PCDHGA12: variants seen among roughly 807,000 people sequenced by gnomAD.
The protein encoded by PCDHGA12 is protocadherin gamma-A12.
A neutral mutation model predicts 61.1 loss-of-function variants in PCDHGA12; 43 were observed. That is an observed-to-expected ratio of 0.70 (90% CI 0.55 to 0.91). PCDHGA12 has a LOEUF of 0.91. Ranked by LOEUF, PCDHGA12 falls within the 40% of genes least tolerant of loss-of-function variation. The probability of loss-of-function intolerance (pLI) is 0.00; values close to 1 mark genes in which losing one functional copy is unlikely to be tolerated. For synonymous variants in PCDHGA12, 520 were observed against 542.9 expected (o/e 0.96, Z 0.59); for missense variants, 1,236 against 1,227.7 (o/e 1.01, Z -0.10).
intron 1 of PCDHGA12, among the ~76,000 whole-genome samples, chr5:141,438,587 CATACATAT>C (rs1166583123): frequency 1.2e-4 from 9 of 73,430 alleles, no homozygotes; most frequent in Non-Finnish European, 1.6e-4. Flanking sequence ...TACATACATA[CATACATAT>C]ATATATATAT....
At position 141,486,714 on chromosome 5, in the gene PCDHGA12, CAG is replaced by C; in HGVS notation, c.2425-8092_2425-8091del. ...TCTTTCATCTCTCTGAACCCCCAGA[CAG>C]GAGCTGTTCATGCTACTCGATCCTT... On this transcript the variant is annotated intron_variant, in intron 1 of 3. Coordinates refer to ENST00000252085, the MANE Select transcript of PCDHGA12 (RefSeq NM_003735.3). This position sits in a 1 kb window ranked among gnomAD's most constrained non-coding sequence, Gnocchi z 5.0. 1 of 1,614,216 alleles carries C rather than the reference CAG, an allele frequency of 6.2e-7. No homozygotes were observed. Among genetic ancestry groups the C allele is most frequent in the Non-Finnish European group, 8.5e-7 (1 of 1,180,034 alleles).
chr5:141,433,222 A>G, intron 1 of PCDHGA12, 39 bp downstream of exon 1: 6 of 1,519,556 alleles, frequency 3.9e-6, no homozygotes, highest in Non-Finnish European at 5.4e-6. Flanking sequence ...TTTTTTTTTA[A>G]TTGCTCTGTC....
chr5:141,443,226 A>T (rs2098374954), intron 1 of PCDHGA12, among the ~76,000 whole-genome samples: 1 of 152,042 alleles, frequency 6.6e-6, no homozygotes, highest in Non-Finnish European at 1.5e-5. Flanking sequence ...CGCATCTATA[A>T]TCTTAGCACT....
intron 1 of PCDHGA12, among the ~76,000 whole-genome samples, chr5:141,443,728 C>A (rs1434984241): frequency 1.3e-5 from 2 of 152,060 alleles, no homozygotes; most frequent in African/African-American, 2.4e-5. Flanking sequence ...ATTCCTCATA[C>A]ATTTCCCTAT....
intron 1 of PCDHGA12, among the ~76,000 whole-genome samples, chr5:141,449,310 A>G (rs1006876700): frequency 4.6e-5 from 7 of 152,112 alleles, no homozygotes; most frequent in Non-Finnish European, 7.4e-5. Context: ...TATGTATTAT[A>G]TAATTGTATC....
Position 141,477,128 on chromosome 5 carries a change from G to C in PCDHGA12, c.2425-17679G>C. On this transcript the variant is annotated intron_variant, in intron 1 of 3. Transcript: ENST00000252085. The surrounding 1 kb of genome is among the most constrained non-coding windows in gnomAD (Gnocchi z 4.9). ...CAATCCCGAAGGAGCACATTGCAAA[G>C]TGTTGGTGGAGGTTGTGGATGTGAA... 1.9e-6 allele frequency: 3 copies of C among 1,614,250 alleles called. No homozygotes were observed. The highest frequency in any genetic ancestry group is 2.5e-6 in the Non-Finnish European group (3 of 1,180,046).
intron 1 of PCDHGA12, among the ~76,000 whole-genome samples, chr5:141,435,462 T>G (rs1206913100): frequency 6.6e-6 from 1 of 152,230 alleles, no homozygotes; most frequent in Non-Finnish European, 1.5e-5. Flanking sequence ...TGTATGTGTT[T>G]CCAAGTTAGA....
At chr5:141,452,839 C>A (rs939513310) in intron 1 of PCDHGA12, among the ~76,000 whole-genome samples, 2 of 152,092 alleles carry the variant, frequency 1.3e-5, no homozygotes, top group Non-Finnish European at 2.9e-5. Flanking sequence ...TTGGTCCAGC[C>A]CACACTCTGG....
At position 141,511,355 on chromosome 5, in the gene PCDHGA12, G is replaced by A; in HGVS notation, c.*182G>A. On this transcript the variant is annotated 3_prime_UTR_variant, in exon 4 of 4. Coordinates refer to ENST00000252085, the MANE Select transcript of PCDHGA12 (RefSeq NM_003735.3). ...TCAGCACCTACCCCTTCCCCCCCAG[G>A]GGGTTGAATATGCAAAAGCAGTTCC... 4 of 1,379,256 alleles carry A rather than the reference G, an allele frequency of 2.9e-6. No individual in the cohort carries two copies. The highest frequency in any genetic ancestry group is 3.9e-6 in the Non-Finnish European group (4 of 1,035,886). 85.4% of individuals were successfully genotyped at this position (1,379,256 alleles called of 1,614,324 possible).
Position 141,431,858 on chromosome 5 carries a change from G to A in PCDHGA12, c.1099G>A (p.Ala367Thr), listed in dbSNP as rs1421209596. The A allele has an allele frequency of 1.1e-5, 17 of 1,614,198 alleles. No individual in the cohort carries two copies. Among genetic ancestry groups the A allele is most frequent in the Non-Finnish European group, 1.4e-5 (17 of 1,180,020 alleles). The change falls in exon 1 of 4, where the codon GCC becomes ACC. Residue 367 changes from alanine to threonine, a missense_variant. Coordinates refer to ENST00000252085, the MANE Select transcript of PCDHGA12 (RefSeq NM_003735.3). The surrounding 1 kb of genome is among the most constrained non-coding windows in gnomAD (Gnocchi z 4.8). ...PENSPRGTLI[A>T]LLNVNDQDSE... ...AAACTCTCCCAGAGGGACATTAATTGCCCTTTTAAATGTAAATGACCAAGA... is the reference window on the plus strand; with the variant it reads ...AAACTCTCCCAGAGGGACATTAATTACCCTTTTAAATGTAAATGACCAAGA...
At position 141,485,275 on chromosome 5, in the gene PCDHGA12, G is replaced by A. The variant is rs77402299; in HGVS notation, c.2425-9532G>A. The A allele has an allele frequency of 8.7e-6, 14 of 1,613,954 alleles. No homozygotes were observed. In the African/African-American group the frequency reaches 1.1e-4, roughly 12 times the overall value. ...ACGTTTGTGGGCAGATCCGCTACCC[G>A]GTCCCAGAGGAGTCACAGGAAGGGA... On this transcript the variant is annotated intron_variant, in intron 1 of 3. Transcript: ENST00000252085. The surrounding 1 kb of genome is among the most constrained non-coding windows in gnomAD (Gnocchi z 5.7).
chr5:141,449,562 C>T (rs1374591292), intron 1 of PCDHGA12, among the ~76,000 whole-genome samples: 1 of 143,862 alleles, frequency 7.0e-6, no homozygotes, highest in East Asian at 2.0e-4. Context: ...GCACTCCAGC[C>T]TGGGCGACAG....
chr5:141,505,468 G>A lies in PCDHGA12; in HGVS notation c.2559G>A (p.Leu853=). 1 of 1,614,212 alleles carries A rather than the reference G, an allele frequency of 6.2e-7. No homozygotes were observed. Among genetic ancestry groups the A allele is most frequent in the Non-Finnish European group, 8.5e-7 (1 of 1,180,020 alleles). The change falls in exon 3 of 4, where the codon TTG becomes TTA. Residue 853 remains leucine (L), a synonymous_variant. Coordinates refer to ENST00000252085, the MANE Select transcript of PCDHGA12 (RefSeq NM_003735.3). The stretch of plus-strand genomic sequence containing the variant: ...CAGAGATGCTGCAAGCCATGATCTT[G>A]GCGTCCGCCAGTGGTAAGTGGTGTC... The part of the protein sequence containing the change: ...FDTEMLQAMI[L]ASASEAADGS...
intron 1 of PCDHGA12, among the ~76,000 whole-genome samples, chr5:141,481,730 G>C (rs778885944): frequency 6.6e-5 from 10 of 151,952 alleles, no homozygotes; most frequent in Non-Finnish European, 1.3e-4. Flanking sequence ...GAGGCGGGCG[G>C]ATCACGAGGT....
At chr5:141,502,782 T>C (rs1200280465) in intron 2 of PCDHGA12, among the ~76,000 whole-genome samples, 1 of 152,132 alleles carries the variant, frequency 6.6e-6, no homozygotes, top group African/African-American at 2.4e-5. Context: ...GAAAATTACC[T>C]GGATGATTTC....
chr5:141,493,440 G>A lies in PCDHGA12; in HGVS notation c.2425-1367G>A, dbSNP rs2099748297. The stretch of plus-strand genomic sequence containing the variant: ...TTTTGCTTCTGCTGGGATGGGGCAA[G>A]GGTGGGGTTCCTTCCCTTTTAGGAC... On this transcript the variant is annotated intron_variant, in intron 1 of 3. Coordinates refer to ENST00000252085, the MANE Select transcript of PCDHGA12 (RefSeq NM_003735.3). The surrounding 1 kb of genome is among the most constrained non-coding windows in gnomAD (Gnocchi z 4.3). Among the ~76,000 whole-genome samples, 1 of 152,208 alleles carries A rather than the reference G, an allele frequency of 6.6e-6. No homozygotes were observed. Among genetic ancestry groups the A allele is most frequent in the African/African-American group, 2.4e-5 (1 of 41,450 alleles).
At chr5:141,507,349 A>G (rs537480798) in intron 3 of PCDHGA12, 1 of 152,236 alleles carries the variant, frequency 6.6e-6, no homozygotes, top group African/African-American at 2.4e-5. Flanking sequence ...CTGAAATTCA[A>G]ATTTAACTGG....
rs1303365585 is a variant in PCDHGA12 at position 141,511,350 on chromosome 5, C to A, written c.*177C>A. 2.1e-5 allele frequency: 30 copies of A among 1,397,076 alleles called. No individual in the cohort carries two copies. Among genetic ancestry groups the A allele is most frequent in the African/African-American group, 1.7e-4 (12 of 68,780 alleles). The allele number at this position is 1,397,076 out of a possible 1,614,324, so 86.5% of individuals were successfully genotyped here. Reference sequence around the variant, plus strand: ...CCCAGTCAGCACCTACCCCTTCCCCCCCAGGGGGTTGAATATGCAAAAGCA... The same window carrying A: ...CCCAGTCAGCACCTACCCCTTCCCCACCAGGGGGTTGAATATGCAAAAGCA... On this transcript the variant is annotated 3_prime_UTR_variant, in exon 4 of 4. Transcript: ENST00000252085.
Position 141,432,617 on chromosome 5 carries a change from G to A in PCDHGA12, c.1858G>A (p.Gly620Ser). The A allele has an allele frequency of 6.2e-7, 1 of 1,613,694 alleles. No individual in the cohort carries two copies. Among genetic ancestry groups the A allele is most frequent in the South Asian group, 1.1e-5 (1 of 91,044 alleles). Residue 620 changes from glycine (G) to serine (S), a missense_variant, in exon 1 of 4, where the codon GGT (glycine) becomes AGT (serine). Coordinates refer to ENST00000252085, the MANE Select transcript of PCDHGA12 (RefSeq NM_003735.3). This position sits in a 1 kb window ranked among gnomAD's most constrained non-coding sequence, Gnocchi z 6.0. The part of the protein sequence containing the change: ...KASEPGLFSV[G>S]LHTGEVRTAR... ...CAGCGAGCCGGGACTCTTCTCGGTGGGTCTGCACACGGGCGAGGTGCGCAC... is the reference window on the plus strand; with the variant it reads ...CAGCGAGCCGGGACTCTTCTCGGTGAGTCTGCACACGGGCGAGGTGCGCAC...
Sources: allele counts gnomAD v4.1 joint callset (sites outside exome capture counted in the v4.1 genomes callset), GRCh38; gene constraint gnomAD v4.1.1; non-coding constraint Gnocchi (gnomAD v3.1); transcripts MANE v1.5; gene names NCBI Gene and HGNC (gene_info 2026-07-23, HGNC 2026-07-21).